WDR72: variants seen among roughly 807,000 people sequenced by gnomAD.
The protein encoded by WDR72 is WD repeat-containing protein 72.
A neutral mutation model predicts 124.2 loss-of-function variants in WDR72; 120 were observed. The observed-to-expected ratio is 0.97, with a 90% CI of 0.83 to 1.12. The LOEUF (loss-of-function observed/expected upper bound fraction) is 1.12, where lower values mean the gene tolerates loss of function less well. Among genes scored for constraint, WDR72 ranks in the 50% most tolerant of loss-of-function variants. The probability of loss-of-function intolerance (pLI) is 0.00; values close to 1 mark genes in which losing one functional copy is unlikely to be tolerated. For missense variants in WDR72, 1,387 were observed against 1,278.8 expected, an observed-to-expected ratio of 1.08 and a Z score of -1.29; for synonymous variants, 452 against 441.7, an observed-to-expected ratio of 1.02 and a Z score of -0.29.
chr15:53,677,521 G>A (rs540952113), intron 13 of WDR72, among the ~76,000 whole-genome samples: 7 of 152,236 alleles, frequency 4.6e-5, no homozygotes, highest in Non-Finnish European at 7.4e-5. Context: ...GAGGGACCCC[G>A]TGGGAGGTAA....
At chr15:53,672,321 A>AAAG (rs1470169282) in intron 13 of WDR72, among the ~76,000 whole-genome samples, 1 of 151,334 alleles carries the variant, frequency 6.6e-6, no homozygotes, top group African/African-American at 2.4e-5. Flanking sequence ...TTAAAAAAAA[A>AAAG]AAAAAGCCAC....
chr15:53,705,096 G>T lies in WDR72; in HGVS notation c.1240C>A (p.Pro414Thr). 1 of 1,614,118 alleles carries T rather than the reference G, an allele frequency of 6.2e-7. No homozygotes were observed. The highest frequency in any genetic ancestry group is 2.2e-5 in the East Asian group (1 of 44,858). The stretch of plus-strand genomic sequence containing the variant: ...CCACATATTAGTTTATCAAGACTTG[G>T]AATATACTCTGATGAAGTGACTACA... ...TAVVTSSEYI[P>T]SLDKLICGCE... The change falls in exon 11 of 20, where the codon CCA (proline) becomes ACA (threonine). Residue 414 changes from proline to threonine, a missense_variant. Transcript: ENST00000360509.
At chr15:53,540,258 T>G (rs1368071409) in intron 18 of WDR72, among the ~76,000 whole-genome samples, 2 of 152,174 alleles carry the variant, frequency 1.3e-5, no homozygotes, top group African/African-American at 4.8e-5. Flanking sequence ...GTCAATAAAG[T>G]AGATGTAATA....
At chr15:53,609,484 T>C in intron 17 of WDR72, 29 bp downstream of exon 17, 1 of 1,591,648 alleles carries the variant, frequency 6.3e-7, no homozygotes, top group Non-Finnish European at 8.6e-7. Flanking sequence ...ACTCTTCTAA[T>C]AACGTCATGA....
intron 13 of WDR72, among the ~76,000 whole-genome samples, chr15:53,681,478 G>C (rs892883162): frequency 6.6e-6 from 1 of 152,084 alleles, no homozygotes; most frequent in Non-Finnish European, 1.5e-5. Flanking sequence ...GCAGATACCA[G>C]ATACATAACA....
chr15:53,618,262 A>ATTTTGCATGT (rs1224594056), intron 14 of WDR72, among the ~76,000 whole-genome samples: 8 of 151,766 alleles, frequency 5.3e-5, no homozygotes, highest in African/African-American at 1.9e-4. Context: ...GACCTACTTA[A>ATTTTGCATGT]TTTTGCATGT....
chr15:53,743,277 A>G (rs1483161905), intron 1 of WDR72, among the ~76,000 whole-genome samples: 1 of 152,182 alleles, frequency 6.6e-6, no homozygotes, highest in African/African-American at 2.4e-5. Context: ...AGTTTAATTT[A>G]TAGAGTTTAA....
At chr15:53,650,802 A>G (rs2015208959) in intron 14 of WDR72, among the ~76,000 whole-genome samples, 1 of 152,138 alleles carries the variant, frequency 6.6e-6, no homozygotes, top group African/African-American at 2.4e-5. Flanking sequence ...ACAACAAAAC[A>G]AAACAAAACA....
chr15:53,673,663 A>T (rs1477847649), intron 13 of WDR72, among the ~76,000 whole-genome samples: 1 of 152,158 alleles, frequency 6.6e-6, no homozygotes, highest in Non-Finnish European at 1.5e-5. Flanking sequence ...TTATTATTGG[A>T]TTGTGGAAAA....
At position 53,665,801 on chromosome 15, in the gene WDR72, G is replaced by GA. The variant is rs768444064; in HGVS notation, c.1766-34dup. On this transcript the variant is annotated intron_variant, in intron 13 of 19. Coordinates refer to ENST00000360509, the MANE Select transcript of WDR72 (RefSeq NM_182758.4). ...ACAAGATTAGAGGTAAAAATGTCAG[G>GA]AAAATATTTACCCCAACAGAATAAG... 293 of 1,594,096 alleles carry GA rather than the reference G, an allele frequency of 1.8e-4. 1 individual carries two copies. Among genetic ancestry groups the GA allele is most frequent in the Non-Finnish European group, 7.7e-5 (90 of 1,163,312 alleles).
At chr15:53,686,768 G>T (rs1292065096) in intron 13 of WDR72, among the ~76,000 whole-genome samples, 2 of 149,708 alleles carry the variant, frequency 1.3e-5, no homozygotes. Flanking sequence ...ATTTTTTTCA[G>T]CACCACACCA....
In WDR72 at chr15:53,615,815, C is replaced by A. The variant is rs143898711; in HGVS notation, c.2391G>T (p.Leu797Phe). Residue 797 changes from leucine (L) to phenylalanine (F), a missense_variant, in exon 15 of 20, where the codon TTG (leucine) becomes TTT (phenylalanine). By Grantham distance (22) the Leu-to-Phe change is conservative (BLOSUM62 0). Coordinates refer to ENST00000360509, the MANE Select transcript of WDR72 (RefSeq NM_182758.4). ...CCCATGGCAAAAGGCAAGACAGAAA[C>A]AATTTTGCTGTGTCTATTGTGAGAC... ...DASLTIDTAK[L>F]FLSCLLPWGV... 47 of 1,613,542 alleles carry A rather than the reference C, an allele frequency of 2.9e-5. No individual in the cohort carries two copies. The African/African-American group carries it at 6.0e-4, about 21-fold the overall frequency.
At chr15:53,578,376 G>T (rs1356766876) in intron 18 of WDR72, among the ~76,000 whole-genome samples, 1 of 152,098 alleles carries the variant, frequency 6.6e-6, no homozygotes, top group East Asian at 1.9e-4. Context: ...TGGGAAAGGG[G>T]AAAAACCTTT....
At chr15:53,639,739 G>T (rs16966350) in intron 14 of WDR72, among the ~76,000 whole-genome samples, 7 of 151,882 alleles carry the variant, frequency 4.6e-5, no homozygotes, top group South Asian at 4.1e-4. Context: ...CATGCGGAAA[G>T]TGCCCTAACA....
intron 18 of WDR72, among the ~76,000 whole-genome samples, chr15:53,548,079 AC>A (rs1345569548): frequency 1.3e-5 from 2 of 152,246 alleles, no homozygotes; most frequent in Non-Finnish European, 2.9e-5. Flanking sequence ...ATGTGAGGCC[AC>A]CTTATCTGGT....
intron 18 of WDR72, among the ~76,000 whole-genome samples, chr15:53,585,781 G>A (rs1386104180): frequency 1.3e-5 from 2 of 151,966 alleles, no homozygotes; most frequent in Non-Finnish European, 2.9e-5. Context: ...CAAGAAGAGT[G>A]TGATCTCTGC....
chr15:53,575,573 GT>G, intron 18 of WDR72, among the ~76,000 whole-genome samples: 1 of 151,944 alleles, frequency 6.6e-6, no homozygotes, highest in African/African-American at 2.4e-5. Flanking sequence ...TCTGTGTATT[GT>G]TTTTTTAGGC....
chr15:53,628,775 A>C (rs888976565), intron 14 of WDR72, among the ~76,000 whole-genome samples: 1 of 152,160 alleles, frequency 6.6e-6, no homozygotes. Context: ...CTTTGAAGTA[A>C]ACTAAATTTT....
At chr15:53,721,163 T>A (rs2017865409) in intron 3 of WDR72, among the ~76,000 whole-genome samples, 1 of 152,272 alleles carries the variant, frequency 6.6e-6, no homozygotes, top group South Asian at 2.1e-4. Flanking sequence ...TCAAATCAAC[T>A]TGGTGAAGGA....
Sources: allele counts gnomAD v4.1 joint callset (sites outside exome capture counted in the v4.1 genomes callset), GRCh38; gene constraint gnomAD v4.1.1; transcripts MANE v1.5; gene names NCBI Gene and HGNC (gene_info 2026-07-23, HGNC 2026-07-21).